The following GAREM1 variants were observed in gnomAD, a reference collection of about 807,000 sequenced individuals.
GAREM1 encodes the protein GRB2-associated and regulator of MAPK protein 1.
Under a neutral mutation model 71.3 loss-of-function variants are expected in GAREM1, and 26 were observed. The ratio of observed to expected loss-of-function variants is 0.36; its 90% CI spans 0.27 to 0.51. The LOEUF (loss-of-function observed/expected upper bound fraction) is 0.51. GAREM1 is among the 20% of genes least tolerant of loss of function. GAREM1 has a pLI of 0.95. For missense variants in GAREM1, 1,026 were observed against 1,103.1 expected (o/e 0.93, Z 0.99); for synonymous variants, 440 against 433.2 (o/e 1.02, Z -0.20).
intron 2 of GAREM1, among the ~76,000 whole-genome samples, chr18:32,312,466 T>A (rs1375677899): frequency 1.3e-5 from 2 of 152,298 alleles, no homozygotes; most frequent in East Asian, 3.9e-4. Context: ...AACTTGTATT[T>A]AATTGAGGAC....
intron 2 of GAREM1, among the ~76,000 whole-genome samples, chr18:32,383,017 G>GT (rs1395324864): frequency 6.6e-6 from 1 of 152,180 alleles, no homozygotes; most frequent in Non-Finnish European, 1.5e-5. Flanking sequence ...TCATGTCTAT[G>GT]TGTCTACTGC....
chr18:32,354,736 G>A (rs1050535705), intron 2 of GAREM1, among the ~76,000 whole-genome samples: 2 of 152,166 alleles, frequency 1.3e-5, no homozygotes, highest in African/African-American at 4.8e-5. Flanking sequence ...AGCAGTCACT[G>A]GAATTCCAGT....
intron 1 of GAREM1, among the ~76,000 whole-genome samples, chr18:32,418,219 C>A (rs974027207): frequency 6.6e-6 from 1 of 152,050 alleles, no homozygotes; most frequent in South Asian, 2.1e-4. Flanking sequence ...ATAGAGCAAC[C>A]CGTGTTCTTT....
chr18:32,360,224 T>C (rs2047852819), intron 2 of GAREM1, among the ~76,000 whole-genome samples: 1 of 152,004 alleles, frequency 6.6e-6, no homozygotes, highest in South Asian at 2.1e-4. Flanking sequence ...AAAAATCCTG[T>C]TTAAAAAATA....
chr18:32,307,742 T>C lies in GAREM1; in HGVS notation c.393+2451A>G, dbSNP rs139743556. Among the ~76,000 whole-genome samples, 996 of 152,186 alleles carry C rather than the reference T, an allele frequency of 6.5e-3. 18 individuals are homozygous for C. Among genetic ancestry groups the C allele is most frequent in the African/African-American group, 0.023 (942 of 41,510 alleles). On this transcript the variant is annotated intron_variant, in intron 3 of 5. Transcript: ENST00000269209. ...TTCACCAAGTTGGTCAGGCTGGTCT[T>C]GAACTCCTGACCTCAGGTGATCCAC...
At chr18:32,379,722 G>T (rs539550640) in intron 2 of GAREM1, among the ~76,000 whole-genome samples, 121 of 151,336 alleles carry the variant, frequency 8.0e-4, no homozygotes, top group Admixed American at 2.0e-3. Flanking sequence ...AAAAAAAATC[G>T]TTGGGAATGG....
intron 1 of GAREM1, among the ~76,000 whole-genome samples, chr18:32,400,811 A>G (rs1282453291): frequency 2.6e-5 from 4 of 152,228 alleles, no homozygotes; most frequent in Non-Finnish European, 5.9e-5. Context: ...TGACCCAGCC[A>G]TCTCATTACT....
At chr18:32,373,403 T>C (rs1161515255) in intron 2 of GAREM1, among the ~76,000 whole-genome samples, 1 of 152,180 alleles carries the variant, frequency 6.6e-6, no homozygotes, top group East Asian at 1.9e-4. Context: ...TGTTGAACCC[T>C]AATGCCCAAC....
At chr18:32,303,608 G>C (rs1048021791) in intron 3 of GAREM1, among the ~76,000 whole-genome samples, 1 of 152,148 alleles carries the variant, frequency 6.6e-6, no homozygotes, top group Non-Finnish European at 1.5e-5. Context: ...AAGTCACTGG[G>C]TAGGAAGTAT....
At position 32,303,730 on chromosome 18, in the gene GAREM1, C is replaced by A. The variant is rs532962087; in HGVS notation, c.393+6463G>T. 2.0e-5 allele frequency among the ~76,000 whole-genome samples: 3 copies of A among 151,968 alleles called. No homozygotes were observed. In the East Asian group the frequency reaches 5.8e-4, roughly 30 times the overall value. ...GCCAGGAATTCAAGACCAGCCTGGG[C>A]AACACTGTGAGATGCTCATCTCTAC... On this transcript the variant is annotated intron_variant, in intron 3 of 5. Coordinates refer to ENST00000269209, the MANE Select transcript of GAREM1 (RefSeq NM_001242409.2).
intron 1 of GAREM1, among the ~76,000 whole-genome samples, chr18:32,430,888 A>G (rs1033304414): frequency 6.6e-6 from 1 of 152,216 alleles, no homozygotes; most frequent in East Asian, 1.9e-4. Context: ...GCAGAGAGGA[A>G]AAGCTAAAGC....
intron 2 of GAREM1, among the ~76,000 whole-genome samples, chr18:32,345,242 A>G (rs186390830): frequency 6.6e-6 from 1 of 152,240 alleles, no homozygotes; most frequent in African/African-American, 2.4e-5. Flanking sequence ...GAAATGGTTA[A>G]AACAACTACA....
chr18:32,467,375 T>G (rs1160400978), intron 1 of GAREM1, among the ~76,000 whole-genome samples: 1 of 152,202 alleles, frequency 6.6e-6, no homozygotes, highest in Admixed American at 6.5e-5. Flanking sequence ...CCTTCTCTCC[T>G]TTAGTACCAG....
chr18:32,354,718 T>A (rs931734483), intron 2 of GAREM1, among the ~76,000 whole-genome samples: 1 of 152,210 alleles, frequency 6.6e-6, no homozygotes, highest in Non-Finnish European at 1.5e-5. Flanking sequence ...GCTGAGGTCA[T>A]GAAGCAGAGC....
At chr18:32,358,099 C>T (rs1206924751) in intron 2 of GAREM1, among the ~76,000 whole-genome samples, 1 of 151,628 alleles carries the variant, frequency 6.6e-6, no homozygotes, top group Non-Finnish European at 1.5e-5. Context: ...CTCCCTCTCT[C>T]TATGTGACTT....
chr18:32,379,225 A>C (rs1252530873), intron 2 of GAREM1, among the ~76,000 whole-genome samples: 1 of 152,088 alleles, frequency 6.6e-6, no homozygotes, highest in African/African-American at 2.4e-5. Context: ...TATGTGTCTT[A>C]ACTGCCACAC....
chr18:32,286,517 A>G (rs1014155926), intron 4 of GAREM1, among the ~76,000 whole-genome samples: 1 of 152,164 alleles, frequency 6.6e-6, no homozygotes, highest in Non-Finnish European at 1.5e-5. Flanking sequence ...ATCACAGTAA[A>G]TGACACTAAT....
At chr18:32,371,778 C>T (rs1490409194) in intron 2 of GAREM1, among the ~76,000 whole-genome samples, 1 of 152,084 alleles carries the variant, frequency 6.6e-6, no homozygotes, top group Non-Finnish European at 1.5e-5. Context: ...AAACTAGGTG[C>T]ATGTGGTGAT....
At chr18:32,439,677 T>A (rs549641865) in intron 1 of GAREM1, among the ~76,000 whole-genome samples, 2 of 152,120 alleles carry the variant, frequency 1.3e-5, no homozygotes, top group South Asian at 2.1e-4. Flanking sequence ...AGCACTTTTT[T>A]AAAAGTGGGG....
Sources: gnomAD v4.1 joint callset for allele counts (sites outside exome capture counted in the v4.1 genomes callset) on GRCh38, gnomAD v4.1.1 for gene constraint, MANE v1.5 for transcripts, NCBI Gene and HGNC (gene_info 2026-07-23, HGNC 2026-07-21) for gene names.